Variants in SLC9A4 observed in about 807,000 individuals in gnomAD.
SLC9A4 encodes sodium/hydrogen exchanger 4.
SLC9A4 carries 63 observed loss-of-function variants against 67.4 expected under a neutral mutation model. The ratio of observed to expected loss-of-function variants is 0.93; its 90% confidence interval spans 0.76 to 1.15. The LOEUF (loss-of-function observed/expected upper bound fraction) is 1.15. Ranked by LOEUF, SLC9A4 falls within the 50% of genes most tolerant of loss-of-function variation. SLC9A4 has a pLI of 0.00. For missense variants in SLC9A4, 1,089 were observed against 987.7 expected (o/e 1.10, Z -1.38); for synonymous variants, 393 against 367.2 (o/e 1.07, Z -0.80).
intron 11 of SLC9A4, among the ~76,000 whole-genome samples, chr2:102,530,155 CCG>C (rs1440426378): frequency 6.6e-6 from 1 of 152,180 alleles, no homozygotes; most frequent in African/African-American, 2.4e-5. Context: ...GTGTTGCACT[CCG>C]AGTCTGGGTG....
At chr2:102,475,167 A>AT (rs1684301511) in intron 1 of SLC9A4, among the ~76,000 whole-genome samples, 1 of 152,242 alleles carries the variant, frequency 6.6e-6, no homozygotes, top group Non-Finnish European at 1.5e-5. Flanking sequence ...ATCTTACTAT[A>AT]TTTTTAAGAG....
intron 2 of SLC9A4, among the ~76,000 whole-genome samples, chr2:102,483,841 T>TATATATATATATACACAC (rs370126753): frequency 1.6e-5 from 2 of 126,772 alleles, no homozygotes; most frequent in African/African-American, 6.2e-5. Flanking sequence ...TATATATATA[T>TATATATATATATACACAC]ACACACACAC....
chr2:102,493,279 C>A (rs1684741251), intron 2 of SLC9A4, among the ~76,000 whole-genome samples: 2 of 151,948 alleles, frequency 1.3e-5, no homozygotes, highest in Non-Finnish European at 2.9e-5. Flanking sequence ...TAGTAGTACC[C>A]CACTCTACCT....
chr2:102,501,600 G>A (rs952467341), intron 2 of SLC9A4, among the ~76,000 whole-genome samples: 1 of 152,022 alleles, frequency 6.6e-6, no homozygotes, highest in Non-Finnish European at 1.5e-5. Flanking sequence ...GCAGAGGTCG[G>A]GCTTACAGAG....
intron 8 of SLC9A4, among the ~76,000 whole-genome samples, chr2:102,519,562 T>C (rs1343893112): frequency 6.6e-6 from 1 of 152,186 alleles, no homozygotes; most frequent in Non-Finnish European, 1.5e-5. Context: ...AACATTTCAG[T>C]CTATAACAGA....
Position 102,508,273 on chromosome 2 carries a change from T to C in SLC9A4, c.1393T>C (p.Phe465Leu). The C allele has an allele frequency of 6.2e-7, 1 of 1,610,728 alleles. No individual in the cohort carries two copies. Among genetic ancestry groups the C allele is most frequent in the Non-Finnish European group, 8.5e-7 (1 of 1,177,616 alleles). The part of the protein sequence containing the change: ...ATLVVIYFTV[F>L]IQGITVGPLV... ...TCTAGTAGTTATATACTTTACTGTA[T>C]TTATTCAGGTAAGTAGATTTCCCTT... The change falls in exon 5 of 12, where the codon TTT becomes CTT. Residue 465 changes from phenylalanine to leucine, a missense_variant. Physicochemically the swap from Phe to Leu is conservative, Grantham distance 22 (BLOSUM62 0). Coordinates refer to ENST00000295269, the MANE Select transcript of SLC9A4 (RefSeq NM_001011552.4).
At chr2:102,504,186 G>A (rs990365482) in intron 3 of SLC9A4, among the ~76,000 whole-genome samples, 2 of 152,162 alleles carry the variant, frequency 1.3e-5, no homozygotes, top group Non-Finnish European at 2.9e-5. Flanking sequence ...CTGAGTAGCT[G>A]GGACTACAGG....
At chr2:102,513,401 T>C (rs1236617509) in intron 7 of SLC9A4, among the ~76,000 whole-genome samples, 5 of 152,200 alleles carry the variant, frequency 3.3e-5, no homozygotes. Context: ...TGATTGAAAG[T>C]GTTGAAAATT....
In SLC9A4 at chr2:102,525,181, A is replaced by G. The variant is rs75545927; in HGVS notation, c.1950+26A>G. ...GTACATTGGGGCTGGGGACTGGGAC[A>G]TTCCTTCAGTGTGCAAGTGTTTGTC... On this transcript the variant is annotated intron_variant, in intron 10 of 11. Transcript: ENST00000295269. 6.9e-4 allele frequency: 1,106 copies of G among 1,613,516 alleles called. 11 individuals carry two copies. In the African/African-American group the frequency reaches 0.013, roughly 19 times the overall value.
Position 102,486,644 on chromosome 2 carries a change from G to C in SLC9A4, c.720+7342G>C, listed in dbSNP as rs142201034. Among the ~76,000 whole-genome samples, 6 of 152,278 alleles carry C rather than the reference G, an allele frequency of 3.9e-5. No homozygotes were observed. The East Asian group carries it at 1.2e-3, about 29-fold the overall frequency. ...AATACAGGGATCTCACTGTGTATGG[G>C]GGGCGTGGACCTACAAGTTGCACGA... is the stretch of plus-strand genomic sequence containing the variant. On this transcript the variant is annotated intron_variant, in intron 2 of 11. Coordinates refer to ENST00000295269, the MANE Select transcript of SLC9A4 (RefSeq NM_001011552.4).
At chr2:102,513,062 A>G (rs894001079) in intron 7 of SLC9A4, among the ~76,000 whole-genome samples, 2 of 152,168 alleles carry the variant, frequency 1.3e-5, no homozygotes, top group Non-Finnish European at 2.9e-5. Flanking sequence ...TGAACAGGGC[A>G]AGGTCAAGGC....
rs201326365 is a variant in SLC9A4 at position 102,503,590 on chromosome 2, C to T, written c.863C>T (p.Ser288Phe). 1 of 1,614,170 alleles carries T rather than the reference C, an allele frequency of 6.2e-7. No homozygotes were observed. Among genetic ancestry groups the T allele is most frequent in the Admixed American group, 1.7e-5 (1 of 60,018 alleles). Residue 288 changes from serine (S) to phenylalanine (F), a missense_variant, in exon 3 of 12, where the codon TCT becomes TTT. By Grantham distance (155) the Ser-to-Phe change is radical (BLOSUM62 -2). Transcript: ENST00000295269. ...TTTGGCATCGTTTTTGGATTTATTT[C>T]TGCATTTATCACACGTTTCACTCAG... ...VLFGIVFGFI[S>F]AFITRFTQNI...
intron 7 of SLC9A4, among the ~76,000 whole-genome samples, chr2:102,513,377 CTT>C (rs1340123171): frequency 6.6e-6 from 1 of 152,322 alleles, no homozygotes. Flanking sequence ...GCAAACTACT[CTT>C]TGAATGTAAA....
chr2:102,496,753 G>A (rs867069887), intron 2 of SLC9A4, among the ~76,000 whole-genome samples: 1 of 152,182 alleles, frequency 6.6e-6, no homozygotes, highest in African/African-American at 2.4e-5. Context: ...TGTAAATCAA[G>A]GGCACAATTT....
chr2:102,508,393 C>T (rs1685092144), intron 5 of SLC9A4, 112 bp downstream of exon 5: 1 of 1,011,610 alleles, frequency 9.9e-7, no homozygotes, highest in African/African-American at 1.6e-5. Context: ...GTGCTCAATA[C>T]CCAAACTAAA....
At position 102,514,267 on chromosome 2, in the gene SLC9A4, T is replaced by A. The variant is rs751779208; in HGVS notation, c.1721+16T>A. On this transcript the variant is annotated intron_variant, in intron 8 of 11. Transcript: ENST00000295269. ...TACCCCATCAGTGAGTCATATCTGT[T>A]CTTTGTTCTAAACTTTCACTGTCAG... 2 of 1,580,026 alleles carry A rather than the reference T, an allele frequency of 1.3e-6. No homozygotes were observed. Among genetic ancestry groups the A allele is most frequent in the African/African-American group, 2.7e-5 (2 of 73,586 alleles).
At chr2:102,481,730 T>C (rs564385829) in intron 2 of SLC9A4, among the ~76,000 whole-genome samples, 2 of 152,278 alleles carry the variant, frequency 1.3e-5, no homozygotes, top group Admixed American at 6.5e-5. Flanking sequence ...TTTTACCCTA[T>C]AAAAGTTCTA....
At chr2:102,481,432 G>A (rs889541758) in intron 2 of SLC9A4, among the ~76,000 whole-genome samples, 2 of 152,054 alleles carry the variant, frequency 1.3e-5, no homozygotes, top group African/African-American at 4.8e-5. Flanking sequence ...GTCACATGCT[G>A]TACATTGAAA....
chr2:102,511,333 C>A (rs944116961), intron 6 of SLC9A4, among the ~76,000 whole-genome samples: 1 of 152,160 alleles, frequency 6.6e-6, no homozygotes, highest in Non-Finnish European at 1.5e-5. Flanking sequence ...AACTTAACAT[C>A]TATCTTTATC....
Sources: gnomAD v4.1 joint callset for allele counts (sites outside exome capture counted in the v4.1 genomes callset) on GRCh38, gnomAD v4.1.1 for gene constraint, MANE v1.5 for transcripts, NCBI Gene and HGNC (gene_info 2026-07-23, HGNC 2026-07-21) for gene names.